Variants in TLR2 observed in about 807,000 individuals in gnomAD.
TLR2 encodes toll like receptor 2.
TLR2 carries 7 observed loss-of-function variants against 9.1 expected under a neutral mutation model. That is an observed-to-expected ratio of 0.77 (90% CI 0.44 to 1.44). The LOEUF (loss-of-function observed/expected upper bound fraction) is 1.44. Among genes scored for constraint, TLR2 ranks in the 40% most tolerant of loss-of-function variants. The pLI is 0.01. For synonymous variants in TLR2, 317 were observed against 344.6 expected, an observed-to-expected ratio of 0.92 and a Z score of 0.89; for missense variants, 812 against 904.6, an observed-to-expected ratio of 0.90 and a Z score of 1.31.
chr4:153,690,376 T>G (rs964445601), intron 2 of TLR2, among the ~76,000 whole-genome samples: 9 of 152,246 alleles, frequency 5.9e-5, no homozygotes, highest in Non-Finnish European at 1.2e-4. Flanking sequence ...ATGCCAGTAA[T>G]GTGTTTAATA....
chr4:153,702,727 T>C, intron 2 of TLR2, 165 bp from the exon 3 acceptor site: 1 of 642,484 alleles, frequency 1.6e-6, no homozygotes, highest in African/African-American at 1.8e-5. Context: ...CCCCATTCAT[T>C]CGTTCCATTC....
chr4:153,701,940 A>G (rs1468500290), intron 2 of TLR2: 1 of 152,174 alleles, frequency 6.6e-6, no homozygotes, highest in East Asian at 1.9e-4. Context: ...AATGTGGGGA[A>G]TTAGTTTTAC....
intron 1 of TLR2, among the ~76,000 whole-genome samples, chr4:153,686,909 A>G (rs1441980256): frequency 6.6e-6 from 1 of 152,208 alleles, no homozygotes; most frequent in Non-Finnish European, 1.5e-5. Flanking sequence ...ATCACAGAGC[A>G]TACTTAAAAT....
At chr4:153,693,809 T>C (rs1578978402) in intron 2 of TLR2, among the ~76,000 whole-genome samples, 1 of 152,214 alleles carries the variant, frequency 6.6e-6, no homozygotes, top group Non-Finnish European at 1.5e-5. Context: ...TTACTCACCA[T>C]GGGGATTGCT....
rs1273101838 is a variant in TLR2 at position 153,704,757 on chromosome 4, A to G, written c.1850A>G (p.Tyr617Cys). 6.8e-6 allele frequency: 11 copies of G among 1,613,844 alleles called. No homozygotes were observed. The highest frequency in any genetic ancestry group is 2.2e-5 in the East Asian group (1 of 44,860). ...VLCHRFHGLW[Y>C]MKMMWAWLQA... ...TGCCACCGTTTCCATGGCCTGTGGT[A>G]TATGAAAATGATGTGGGCCTGGCTC... Residue 617 changes from tyrosine to cysteine, a missense_variant, in exon 3 of 3, where the codon TAT becomes TGT. Physicochemically the swap from Tyr to Cys is radical, Grantham distance 194. Transcript: ENST00000642700.
chr4:153,691,543 A>C (rs561826400), intron 2 of TLR2, among the ~76,000 whole-genome samples: 2 of 152,350 alleles, frequency 1.3e-5, no homozygotes, highest in Admixed American at 6.5e-5. Flanking sequence ...TGGAAAAATT[A>C]GCAAATCTAG....
Position 153,702,965 on chromosome 4 carries a change from G to A in TLR2, c.58G>A (p.Glu20Lys). Residue 20 changes from glutamate to lysine, a missense_variant, in exon 3 of 3, where the codon GAA (glutamate) becomes AAA (lysine). Transcript: ENST00000642700. Reference sequence around the variant, plus strand: ...GGGGGTCATCATCAGCCTCTCCAAGGAAGAATCCTCCAATCAGGCTTCTCT... The same window carrying A: ...GGGGGTCATCATCAGCCTCTCCAAGAAAGAATCCTCCAATCAGGCTTCTCT... Reference protein sequence around the residue: ...VLGVIISLSKEESSNQASLSC... With the variant: ...VLGVIISLSKKESSNQASLSC... 4 of 1,613,984 alleles carry A rather than the reference G, an allele frequency of 2.5e-6. No individual in the cohort carries two copies. The highest frequency in any genetic ancestry group is 3.4e-6 in the Non-Finnish European group (4 of 1,179,988).
At position 153,704,895 on chromosome 4, in the gene TLR2, T is replaced by A. The variant is rs2127070500; in HGVS notation, c.1988T>A (p.Leu663Gln). Residue 663 changes from leucine (L) to glutamine (Q), a missense_variant, in exon 3 of 3, where the codon CTG (leucine) becomes CAG (glutamine). Leu to Gln is a moderately radical substitution (Grantham distance 113). Coordinates refer to ENST00000642700, the MANE Select transcript of TLR2 (RefSeq NM_001318789.2). ...YWVENLMVQELENFNPPFKLC... is the reference protein window; with the variant it reads ...YWVENLMVQEQENFNPPFKLC... ...GTGGAGAACCTTATGGTCCAGGAGC[T>A]GGAGAACTTCAATCCCCCCTTCAAG... 2.5e-6 allele frequency: 4 copies of A among 1,613,574 alleles called. No homozygotes were observed. The highest frequency in any genetic ancestry group is 1.3e-5 in the African/African-American group (1 of 74,996).
rs79961433 is a variant in TLR2, at chr4:153,685,641, T to A, written c.-163+1281T>A. 1.1e-3 allele frequency among the ~76,000 whole-genome samples: 160 copies of A among 152,354 alleles called. 3 individuals are homozygous for A. The highest frequency in any genetic ancestry group is 0.01 in the Admixed American group (160 of 15,304). ...AGGAACATCTTTAAGTTCTTTATAA[T>A]GTACCCATTTTACATTTACAAAAAC... On this transcript the variant is annotated intron_variant, in intron 1 of 2. Transcript: ENST00000642700.
chr4:153,686,364 A>G (rs1735707489), intron 1 of TLR2, among the ~76,000 whole-genome samples: 1 of 152,230 alleles, frequency 6.6e-6, no homozygotes, highest in African/African-American at 2.4e-5. Context: ...AATGTCAGTA[A>G]TTATATTAAA....
downstream of TLR2, chr4:153,710,298 A>C: frequency 3.2e-6 from 4 of 1,261,282 alleles, no homozygotes; most frequent in Non-Finnish European, 4.2e-6. Context: ...CTCTAAAATT[A>C]AAAAAATTAA....
intron 2 of TLR2, among the ~76,000 whole-genome samples, chr4:153,698,881 C>T (rs1414843741): frequency 6.6e-6 from 1 of 152,178 alleles, no homozygotes; most frequent in Non-Finnish European, 1.5e-5. Flanking sequence ...ACTACCTGTT[C>T]AAATTGCACA....
chr4:153,697,669 C>G (rs998542432), intron 2 of TLR2, among the ~76,000 whole-genome samples: 11 of 152,018 alleles, frequency 7.2e-5, no homozygotes, highest in African/African-American at 1.2e-4. Flanking sequence ...TCTGGAATAT[C>G]TCAAAAGAAA....
intron 2 of TLR2, among the ~76,000 whole-genome samples, chr4:153,698,410 A>T (rs944928357): frequency 1.3e-5 from 2 of 152,190 alleles, no homozygotes; most frequent in African/African-American, 4.8e-5. Flanking sequence ...GAACAGCATC[A>T]TGCACCTGAA....
At chr4:153,710,524 G>T (rs369632098), downstream of TLR2, 251 of 1,594,502 alleles carry the variant, frequency 1.6e-4, no homozygotes, top group Non-Finnish European at 2.1e-4. Flanking sequence ...TCTATATACA[G>T]CCAAGTAGCA....
At position 153,702,758 on chromosome 4, in the gene TLR2, CTCTTTGTGTGTGTGTGTG is replaced by C. The variant is rs1470671038; in HGVS notation, c.-16-132_-16-115del. On this transcript the variant is annotated intron_variant, in intron 2 of 2. Coordinates refer to ENST00000642700, the MANE Select transcript of TLR2 (RefSeq NM_001318789.2). ...CATTCATCTGTTTCTCTCTCTCTCT[CTCTTTGTGTGTGTGTGTG>C]TGTGTGTGTGTGTGTGTGTGTGTGT... The C allele has an allele frequency of 1.7e-5, 11 of 629,692 alleles. No individual in the cohort carries two copies. The African/African-American group carries it at 2.3e-4, about 13-fold the overall frequency. The allele number at this position is 629,692 out of a possible 1,614,324, so 39.0% of individuals were successfully genotyped here.
Position 153,700,272 on chromosome 4 carries a change from A to G in TLR2, c.-16-2620A>G, listed in dbSNP as rs186816671. The stretch of plus-strand genomic sequence containing the variant: ...ACACTGGGGATCACATTTCAACATG[A>G]GATTTGGAGAGGACAAACATCCAAA... On this transcript the variant is annotated intron_variant, in intron 2 of 2. Coordinates refer to ENST00000642700, the MANE Select transcript of TLR2 (RefSeq NM_001318789.2). Among the ~76,000 whole-genome samples, 961 of 152,336 alleles carry G rather than the reference A, an allele frequency of 6.3e-3. 4 individuals carry two copies. Among genetic ancestry groups the G allele is most frequent in the Non-Finnish European group, 0.01 (697 of 68,024 alleles).
chr4:153,691,494 T>C (rs4585282), intron 2 of TLR2, among the ~76,000 whole-genome samples: 146,818 of 152,304 alleles, frequency 0.96, 70,953 homozygotes, highest in East Asian at 1. Context: ...GTACAAAGTC[T>C]TGCTCTTATA....
In TLR2 at chr4:153,705,311, CTAGTTA is replaced by C. The variant is rs1435537547; in HGVS notation, c.*56_*61del. On this transcript the variant is annotated 3_prime_UTR_variant, in exon 3 of 3. Transcript: ENST00000642700. Reference sequence around the variant, plus strand: ...TTGTCTAGTTGGGATCTTTATGTCACTAGTTATAGTTAAGTTCATTCAGACATAATT... The same window carrying C: ...TTGTCTAGTTGGGATCTTTATGTCACTAGTTAAGTTCATTCAGACATAATT... 12 of 1,491,860 alleles carry C rather than the reference CTAGTTA, an allele frequency of 8.0e-6. No individual in the cohort carries two copies. Among genetic ancestry groups the C allele is most frequent in the East Asian group, 2.3e-5 (1 of 43,438 alleles). The allele number at this position is 1,491,860 out of a possible 1,614,324, so 92.4% of individuals were successfully genotyped here. A position where few individuals can be genotyped will look rare whatever the true frequency, so the allele number is the denominator to read the frequency against.
Sources: allele counts gnomAD v4.1 joint callset (sites outside exome capture counted in the v4.1 genomes callset), GRCh38; gene constraint gnomAD v4.1.1; transcripts MANE v1.5; gene names NCBI Gene and HGNC (gene_info 2026-07-23, HGNC 2026-07-21).